Variants in MEF2C observed in about 807,000 individuals in gnomAD.
MEF2C encodes the protein myocyte enhancer factor 2C.
A neutral mutation model predicts 50.5 loss-of-function variants in MEF2C; 6 were observed. That is an observed-to-expected ratio of 0.12 (90% CI 0.07 to 0.23). MEF2C has a LOEUF of 0.23. MEF2C is among the 10% of genes least tolerant of loss of function. The probability of loss-of-function intolerance (pLI) is 1.00; values close to 1 mark genes in which losing one functional copy is unlikely to be tolerated. For missense variants in MEF2C, 276 were observed against 605.0 expected, an observed-to-expected ratio of 0.46 and a Z score of 5.70; for synonymous variants, 183 against 228.0, an observed-to-expected ratio of 0.80 and a Z score of 1.78.
intron 3 of MEF2C, among the ~76,000 whole-genome samples, chr5:88,795,566 T>C (rs1306425322): frequency 6.6e-6 from 1 of 152,202 alleles, no homozygotes; most frequent in Non-Finnish European, 1.5e-5. Flanking sequence ...TTTCTAAATA[T>C]GCAATCATGT....
At chr5:88,788,800 A>G (rs1230379926) in intron 3 of MEF2C, among the ~76,000 whole-genome samples, 1 of 152,218 alleles carries the variant, frequency 6.6e-6, no homozygotes, top group African/African-American at 2.4e-5. Flanking sequence ...ACATGACACA[A>G]ATGAGTTTAT....
intron 2 of MEF2C, among the ~76,000 whole-genome samples, chr5:88,808,530 C>A (rs191348142): frequency 1.3e-5 from 2 of 152,216 alleles, no homozygotes; most frequent in South Asian, 4.1e-4. Flanking sequence ...TAATAATACC[C>A]ATCAAAGAAG....
At chr5:88,746,771 T>C (rs1581666952) in intron 6 of MEF2C, 5 of 836,966 alleles carry the variant, frequency 6.0e-6, no homozygotes, top group African/African-American at 5.5e-5. Context: ...AGTTTATGAG[T>C]AGGACATGAC....
intron 1 of MEF2C, among the ~76,000 whole-genome samples, chr5:88,857,534 T>C (rs963649667): frequency 6.6e-6 from 1 of 152,228 alleles, no homozygotes; most frequent in Non-Finnish European, 1.5e-5. Context: ...GGTTTGGCTG[T>C]GTCCCCACCC....
At position 88,841,521 on chromosome 5, in the gene MEF2C, A is replaced by G. The variant is rs542858176; in HGVS notation, c.-142-17591T>C. On this transcript the variant is annotated intron_variant, in intron 1 of 10. Transcript: ENST00000504921. Reference sequence around the variant, plus strand: ...AACTTTGTCTCAAAAAAAAAAAAAAAAAGAAGAAAAAAAGAAGCAAAGAAA... The same window carrying G: ...AACTTTGTCTCAAAAAAAAAAAAAAGAAGAAGAAAAAAAGAAGCAAAGAAA... Among the ~76,000 whole-genome samples the G allele has an allele frequency of 7.6e-5, 11 of 143,906 alleles. No homozygotes were observed. The East Asian group carries it at 7.9e-4, about 10-fold the overall frequency. The allele number at this position is 143,906 out of a possible 152,430, so 94.4% of individuals were successfully genotyped here.
At chr5:88,899,476 T>C (rs1582054446) in intron 1 of MEF2C, among the ~76,000 whole-genome samples, 1 of 152,148 alleles carries the variant, frequency 6.6e-6, no homozygotes, top group East Asian at 1.9e-4. Flanking sequence ...GGCCCATCCA[T>C]TCATTAGCCT....
chr5:88,867,025 C>CA (rs1203679598), intron 1 of MEF2C, among the ~76,000 whole-genome samples: 1 of 152,130 alleles, frequency 6.6e-6, no homozygotes, highest in African/African-American at 2.4e-5. Context: ...TTTCCCATTT[C>CA]AATTAACGCT....
intron 1 of MEF2C, among the ~76,000 whole-genome samples, chr5:88,898,305 T>C (rs1835317397): frequency 1.3e-5 from 2 of 152,168 alleles, no homozygotes; most frequent in South Asian, 4.1e-4. Context: ...TTCTGTACAA[T>C]TCTTCATCTT....
At chr5:88,746,201 G>C (rs149218887) in intron 6 of MEF2C, among the ~76,000 whole-genome samples, 19 of 152,266 alleles carry the variant, frequency 1.2e-4, no homozygotes, top group South Asian at 2.1e-4. Flanking sequence ...GCAGTCCTGG[G>C]GAGACTGAAG....
At chr5:88,855,646 CTGATAG>C (rs1184545740) in intron 1 of MEF2C, among the ~76,000 whole-genome samples, 1 of 152,098 alleles carries the variant, frequency 6.6e-6, no homozygotes, top group Non-Finnish European at 1.5e-5. Context: ...TACTGTTCTC[CTGATAG>C]TAAGTGAGTT....
At chr5:88,812,890 C>A (rs772102595) in intron 2 of MEF2C, among the ~76,000 whole-genome samples, 24 of 152,044 alleles carry the variant, frequency 1.6e-4, no homozygotes, top group Non-Finnish European at 3.1e-4. Flanking sequence ...AATATGGACC[C>A]AGTCAACTGT....
intron 1 of MEF2C, among the ~76,000 whole-genome samples, chr5:88,856,363 T>A (rs1187488762): frequency 6.6e-6 from 1 of 152,180 alleles, no homozygotes; most frequent in Non-Finnish European, 1.5e-5. Flanking sequence ...AAACACAGCA[T>A]AAAAGTTCAG....
chr5:88,835,050 G>T (rs187787100), intron 1 of MEF2C, among the ~76,000 whole-genome samples: 3 of 152,234 alleles, frequency 2.0e-5, no homozygotes, highest in Admixed American at 2.0e-4. Context: ...GAGTCCAAAA[G>T]CATCCCTCTT....
chr5:88,734,576 T>TTTTTTTTTTG, intron 6 of MEF2C: 1 of 856,636 alleles, frequency 1.2e-6, no homozygotes, highest in South Asian at 5.5e-5. Context: ...TTTTTTTTTT[T>TTTTTTTTTTG]TTTTTTTTTT....
chr5:88,853,319 G>A (rs1254687139), intron 1 of MEF2C, among the ~76,000 whole-genome samples: 2 of 152,142 alleles, frequency 1.3e-5, no homozygotes, highest in African/African-American at 4.8e-5. Flanking sequence ...TTCTAGGCTG[G>A]ACTTGTATAC....
chr5:88,860,225 A>G (rs1216003517), intron 1 of MEF2C, among the ~76,000 whole-genome samples: 2 of 152,150 alleles, frequency 1.3e-5, no homozygotes, highest in Non-Finnish European at 2.9e-5. Context: ...TGAATGAAGT[A>G]CCTTCTAATT....
chr5:88,741,131 A>G (rs948061016), intron 6 of MEF2C: 2 of 985,326 alleles, frequency 2.0e-6, no homozygotes, highest in African/African-American at 3.5e-5. Flanking sequence ...CCTTGAGGAT[A>G]GGAGCCCCGT....
rs1562116427 is a variant in MEF2C at position 88,801,555 on chromosome 5, C to T, written c.258+3043G>A. 2.0e-5 allele frequency among the ~76,000 whole-genome samples: 3 copies of T among 151,306 alleles called. No homozygotes were observed. In the South Asian group the frequency reaches 6.3e-4, roughly 32 times the overall value. ...TCGCCTGCGCCAGAGTGCAGTGGCGCGATCTCGGCTTGCTGCAAGCTCTCC... is the reference window on the plus strand; with the variant it reads ...TCGCCTGCGCCAGAGTGCAGTGGCGTGATCTCGGCTTGCTGCAAGCTCTCC... On this transcript the variant is annotated intron_variant, in intron 3 of 10. Coordinates refer to ENST00000504921, the MANE Select transcript of MEF2C (RefSeq NM_002397.5).
chr5:88,861,499 G>A (rs896755894), intron 1 of MEF2C, among the ~76,000 whole-genome samples: 2 of 152,160 alleles, frequency 1.3e-5, no homozygotes, highest in Non-Finnish European at 2.9e-5. Context: ...ATCCAGTTCT[G>A]AGCTAATTCA....
Sources: gnomAD v4.1 joint callset for allele counts (sites outside exome capture counted in the v4.1 genomes callset) on GRCh38, gnomAD v4.1.1 for gene constraint, MANE v1.5 for transcripts, NCBI Gene and HGNC (gene_info 2026-07-23, HGNC 2026-07-21) for gene names.